The following PCCA variants were observed in gnomAD, a reference collection of about 807,000 sequenced individuals.
PCCA encodes propionyl-CoA carboxylase alpha chain, mitochondrial.
PCCA carries 74 observed loss-of-function variants against 101.3 expected under a neutral mutation model. The ratio of observed to expected loss-of-function variants is 0.73; its 90% CI spans 0.61 to 0.89. The LOEUF (loss-of-function observed/expected upper bound fraction) is 0.89. PCCA is among the 40% of genes least tolerant of loss of function. The probability of loss-of-function intolerance (pLI) is 0.00; values close to 1 mark genes in which losing one functional copy is unlikely to be tolerated. For synonymous variants in PCCA, 294 were observed against 313.6 expected (o/e 0.94, Z 0.66); for missense variants, 891 against 907.0 (o/e 0.98, Z 0.23).
chr13:100,130,967 G>A (rs2050450655), intron 4 of PCCA, among the ~76,000 whole-genome samples: 1 of 152,166 alleles, frequency 6.6e-6, no homozygotes, highest in African/African-American at 2.4e-5. Flanking sequence ...ATTTTCAATT[G>A]TGGTAAAGTA....
chr13:100,209,757 G>A (rs1363810931), intron 7 of PCCA, among the ~76,000 whole-genome samples: 1 of 151,556 alleles, frequency 6.6e-6, no homozygotes, highest in Non-Finnish European at 1.5e-5. Flanking sequence ...TCAGCCTCCC[G>A]AGTAGCTGGG....
At chr13:100,409,594 G>A (rs563481983) in intron 19 of PCCA, among the ~76,000 whole-genome samples, 1 of 152,226 alleles carries the variant, frequency 6.6e-6, no homozygotes, top group South Asian at 2.1e-4. Context: ...CAGGCCAGTT[G>A]GAGTTTTTCC....
At chr13:100,523,972 C>T (rs1328659008) in intron 22 of PCCA, among the ~76,000 whole-genome samples, 3 of 152,236 alleles carry the variant, frequency 2.0e-5, no homozygotes, top group Non-Finnish European at 4.4e-5. Flanking sequence ...AGGGCCCTCT[C>T]TGTGCACCCA....
At chr13:100,405,761 G>A (rs886304392) in intron 19 of PCCA, among the ~76,000 whole-genome samples, 10 of 142,580 alleles carry the variant, frequency 7.0e-5, no homozygotes, top group African/African-American at 2.6e-4. Flanking sequence ...CTGTTAGGAA[G>A]TGACATTCTT....
chr13:100,219,680 A>C (rs1387261390), intron 7 of PCCA, among the ~76,000 whole-genome samples: 1 of 152,174 alleles, frequency 6.6e-6, no homozygotes. Flanking sequence ...CTCCGCTAAT[A>C]ATTAGTGAAA....
intron 20 of PCCA, among the ~76,000 whole-genome samples, chr13:100,446,610 G>T (rs2080850137): frequency 6.6e-6 from 1 of 152,180 alleles, no homozygotes; most frequent in Admixed American, 6.5e-5. Flanking sequence ...AGAAATGCCA[G>T]TGTCAAAACC....
chr13:100,108,654 TTTG>T (rs2048028766), intron 2 of PCCA, among the ~76,000 whole-genome samples: 1 of 152,228 alleles, frequency 6.6e-6, no homozygotes, highest in Admixed American at 6.5e-5. Context: ...TTTAACACAA[TTTG>T]TTGTGTTTGT....
chr13:100,483,012 A>C (rs917278878), intron 21 of PCCA, among the ~76,000 whole-genome samples: 1 of 152,176 alleles, frequency 6.6e-6, no homozygotes, highest in African/African-American at 2.4e-5. Flanking sequence ...CATCATCCAA[A>C]TTTGACTTTG....
At chr13:100,417,550 A>G (rs1343222318) in intron 19 of PCCA, among the ~76,000 whole-genome samples, 2 of 152,206 alleles carry the variant, frequency 1.3e-5, no homozygotes, top group Non-Finnish European at 2.9e-5. Context: ...AGGCCAGAGT[A>G]TCGTGGCAGT....
chr13:100,240,144 C>G (rs1404512711), intron 8 of PCCA, among the ~76,000 whole-genome samples: 3 of 152,052 alleles, frequency 2.0e-5, no homozygotes, highest in African/African-American at 7.2e-5. Context: ...CTTTAAAGAA[C>G]AAGGATATAT....
At chr13:100,506,018 A>C (rs1179707589) in intron 21 of PCCA, among the ~76,000 whole-genome samples, 1 of 152,210 alleles carries the variant, frequency 6.6e-6, no homozygotes, top group Non-Finnish European at 1.5e-5. Flanking sequence ...CAGTTACTCA[A>C]GACCTGTATT....
chr13:100,208,987 C>G (rs775006620), intron 6 of PCCA, among the ~76,000 whole-genome samples: 36 of 151,636 alleles, frequency 2.4e-4, no homozygotes, highest in Non-Finnish European at 4.0e-4. Context: ...ATTGAGAACA[C>G]AGAGATTTAT....
intron 19 of PCCA, among the ~76,000 whole-genome samples, chr13:100,407,177 G>A (rs1269124586): frequency 6.6e-6 from 1 of 152,160 alleles, no homozygotes; most frequent in African/African-American, 2.4e-5. Context: ...TACAATTTGG[G>A]AACACATATT....
intron 21 of PCCA, among the ~76,000 whole-genome samples, chr13:100,484,166 G>T (rs114381583): frequency 6.6e-6 from 1 of 151,878 alleles, no homozygotes; most frequent in Non-Finnish European, 1.5e-5. Context: ...CTTGTTCTCC[G>T]GCTCAGTATG....
chr13:100,159,506 G>A (rs186217885), intron 6 of PCCA, among the ~76,000 whole-genome samples: 1 of 152,250 alleles, frequency 6.6e-6, no homozygotes, highest in African/African-American at 2.4e-5. Context: ...AGTCCTGGGT[G>A]CTCATAGTCA....
At chr13:100,297,515 A>G (rs966671208) in intron 12 of PCCA, among the ~76,000 whole-genome samples, 1 of 152,208 alleles carries the variant, frequency 6.6e-6, no homozygotes. Context: ...AATTTACCTC[A>G]CAGTTGCATT....
rs2088297859 is a variant in PCCA, at chr13:100,530,164, T to G, written c.2185T>G (p.Ter729GlyextTer13). The part of the protein sequence containing the change: ...GEGDLLVELE[*>G] ...AGGGGATCTGCTCGTGGAGCTGGAA[T>G]GAAGGATTTATAACCTTTCAGTCAT... The change falls in exon 24 of 24, where the codon TGA (stop) becomes GGA (glycine). Residue 729 changes from the stop codon to glycine, a stop_lost. Coordinates refer to ENST00000376285, the MANE Select transcript of PCCA (RefSeq NM_000282.4). The G allele has an allele frequency of 6.2e-7, 1 of 1,612,450 alleles. No homozygotes were observed. Among genetic ancestry groups the G allele is most frequent in the East Asian group, 2.2e-5 (1 of 44,882 alleles).
chr13:100,129,721 T>G (rs2050307617), intron 4 of PCCA, among the ~76,000 whole-genome samples: 1 of 152,234 alleles, frequency 6.6e-6, no homozygotes, highest in South Asian at 2.1e-4. Context: ...GGAGTTGTAG[T>G]GAGCTGTAGT....
At chr13:100,296,245 T>C (rs569411318) in intron 12 of PCCA, among the ~76,000 whole-genome samples, 21 of 151,822 alleles carry the variant, frequency 1.4e-4, no homozygotes, top group Admixed American at 2.0e-4. Context: ...ACTTTTTTAT[T>C]TTTTATTTTT....
Sources: gnomAD v4.1 joint callset for allele counts (sites outside exome capture counted in the v4.1 genomes callset) on GRCh38, gnomAD v4.1.1 for gene constraint, MANE v1.5 for transcripts, NCBI Gene and HGNC (gene_info 2026-07-23, HGNC 2026-07-21) for gene names.